Variants in NSMAF observed in about 807,000 individuals in gnomAD.
The protein encoded by NSMAF is protein FAN.
Under a neutral mutation model 134.9 loss-of-function variants are expected in NSMAF, and 90 were observed. The ratio of observed to expected loss-of-function variants is 0.67; its 90% confidence interval spans 0.56 to 0.79. The LOEUF is 0.79. Ranked by LOEUF, NSMAF falls within the 30% of genes least tolerant of loss-of-function variation. The pLI is 0.00. For missense variants in NSMAF, 1,010 were observed against 1,119.0 expected (o/e 0.90, Z 1.39); for synonymous variants, 358 against 389.6 (o/e 0.92, Z 0.96).
intron 9 of NSMAF, among the ~76,000 whole-genome samples, chr8:58,619,878 G>A (rs1585745827): frequency 2.0e-5 from 3 of 152,002 alleles, no homozygotes; most frequent in Non-Finnish European, 2.9e-5. Context: ...AAATTCAGAT[G>A]GCAGTGCCTA....
In NSMAF at chr8:58,585,779, A is replaced by C; in HGVS notation, c.2550-18T>G. The stretch of plus-strand genomic sequence containing the variant: ...CAAAGCACCTGCAAGAATGATTTAG[A>C]AATAGTCCTTTCTTCATCATGAAGG... On this transcript the variant is annotated intron_variant, in intron 29 of 30. Coordinates refer to ENST00000038176, the MANE Select transcript of NSMAF (RefSeq NM_003580.4). 1 of 1,608,830 alleles carries C rather than the reference A, an allele frequency of 6.2e-7. No homozygotes were observed. The highest frequency in any genetic ancestry group is 8.5e-7 in the Non-Finnish European group (1 of 1,175,112).
rs1477131123 is a variant in NSMAF at position 58,613,759 on chromosome 8, TC to T, written c.558-4027del. Among the ~76,000 whole-genome samples, 4 of 152,316 alleles carry T rather than the reference TC, an allele frequency of 2.6e-5. No homozygotes were observed. The East Asian group carries it at 7.7e-4, about 29-fold the overall frequency. On this transcript the variant is annotated intron_variant, in intron 9 of 30. Coordinates refer to ENST00000038176, the MANE Select transcript of NSMAF (RefSeq NM_003580.4). The stretch of plus-strand genomic sequence containing the variant: ...ATAGCATTTAGTACAAGTTGAGTAT[TC>T]CTTATTCAAAACACTTGGGAGCAAA...
rs1388578946 is a variant in NSMAF, at chr8:58,623,390, T to C, written c.491A>G (p.Asp164Gly). 2.5e-6 allele frequency: 4 copies of C among 1,613,942 alleles called. No individual in the cohort carries two copies. Among genetic ancestry groups the C allele is most frequent in the Non-Finnish European group, 2.5e-6 (3 of 1,179,960 alleles). The change falls in exon 8 of 31, where the codon GAC becomes GGC. Residue 164 changes from aspartate (D) to glycine (G), a missense_variant. Coordinates refer to ENST00000038176, the MANE Select transcript of NSMAF (RefSeq NM_003580.4). The stretch of plus-strand genomic sequence containing the variant: ...AAGAATACTTACCATGGCGGTTTGG[T>C]CACCCAATTTGTCAAGGCAGGATGC... ...HRASCLDKLG[D>G]QTAMITAILQ...
intron 6 of NSMAF, among the ~76,000 whole-genome samples, chr8:58,628,533 T>C (rs1806987828): frequency 6.6e-6 from 1 of 152,228 alleles, no homozygotes; most frequent in East Asian, 1.9e-4. Context: ...ATGGGGTTTT[T>C]ATACTTTTGT....
At chr8:58,654,348 C>T (rs781030593) in intron 1 of NSMAF, among the ~76,000 whole-genome samples, 3 of 152,216 alleles carry the variant, frequency 2.0e-5, no homozygotes, top group Non-Finnish European at 1.5e-5. Flanking sequence ...ATCGGGAGTT[C>T]GAGACCAGCC....
intron 19 of NSMAF, 83 bp from the exon 20 acceptor site, chr8:58,597,985 A>G (rs1585731089): frequency 1.0e-6 from 1 of 982,796 alleles, no homozygotes. Flanking sequence ...CAATGCAACA[A>G]CTTAAAACTC....
chr8:58,644,479 C>G (rs115400736), intron 1 of NSMAF, among the ~76,000 whole-genome samples: 4,107 of 152,168 alleles, frequency 0.027, 199 homozygotes, highest in African/African-American at 0.093. Context: ...GTGCTAGAGA[C>G]GATGTGGAGA....
rs371665233 is a variant in NSMAF at position 58,587,691 on chromosome 8, C to T, written c.2222G>A (p.Gly741Asp). Reference sequence around the variant, plus strand: ...GGTGCCTGGCATCTCTGCAGGAACACCAGACCACACCTAGGATGGAACATA... The same window carrying T: ...GGTGCCTGGCATCTCTGCAGGAACATCAGACCACACCTAGGATGGAACATA... ...SWDSTVKVWS[G>D]VPAEMPGTKR... The change falls in exon 27 of 31, where the codon GGT (glycine) becomes GAT (aspartate). Residue 741 changes from glycine to aspartate, a missense_variant. By Grantham distance (94) the Gly-to-Asp change is moderately conservative (BLOSUM62 -1). Coordinates refer to ENST00000038176, the MANE Select transcript of NSMAF (RefSeq NM_003580.4). 3.7e-6 allele frequency: 6 copies of T among 1,613,828 alleles called. No homozygotes were observed. In the African/African-American group the frequency reaches 8.0e-5, roughly 22 times the overall value.
chr8:58,641,517 C>G (rs187959379), intron 2 of NSMAF, among the ~76,000 whole-genome samples: 11 of 152,316 alleles, frequency 7.2e-5, no homozygotes, highest in African/African-American at 2.6e-4. Flanking sequence ...TTATGACACA[C>G]AGTATCCTGT....
At chr8:58,632,206 A>ACTCT (rs1807069862) in intron 5 of NSMAF, among the ~76,000 whole-genome samples, 1 of 151,372 alleles carries the variant, frequency 6.6e-6, no homozygotes, top group African/African-American at 2.4e-5. Flanking sequence ...TATATACTGC[A>ACTCT]CTCTCTCCCT....
At chr8:58,625,386 G>T (rs7015870) in intron 6 of NSMAF, among the ~76,000 whole-genome samples, 7,543 of 151,298 alleles carry the variant, frequency 0.05, 455 homozygotes, top group African/African-American at 0.14. Flanking sequence ...CTGTATATAT[G>T]TATATGCATA....
chr8:58,642,438 T>C (rs781532978), intron 2 of NSMAF, among the ~76,000 whole-genome samples: 6 of 152,232 alleles, frequency 3.9e-5, no homozygotes, highest in South Asian at 4.1e-4. Context: ...TGAGTAATAG[T>C]TATTAAGATA....
At chr8:58,615,686 A>C (rs188231442) in intron 9 of NSMAF, among the ~76,000 whole-genome samples, 1 of 152,230 alleles carries the variant, frequency 6.6e-6, no homozygotes, top group Admixed American at 6.5e-5. Flanking sequence ...GCAGTGCTTA[A>C]AGAGAAAATT....
chr8:58,618,144 C>T (rs572718874), intron 9 of NSMAF, among the ~76,000 whole-genome samples: 12 of 152,210 alleles, frequency 7.9e-5, no homozygotes, highest in Admixed American at 5.9e-4. Context: ...AGGAACATCA[C>T]ACACTGGGGC....
chr8:58,606,005 G>C lies in NSMAF; in HGVS notation c.790C>G (p.Leu264Val), dbSNP rs200721757. ...AACTTTAGGTAGATGTCGGAACACA[G>C]ATCATCTTCTGTGCAAAATACTTCC... The part of the protein sequence containing the change: ...GLEVFCTEDD[L>V]CSDIYLKFYE... Residue 264 changes from leucine (L) to valine (V), a missense_variant, in exon 12 of 31, where the codon CTG (leucine) becomes GTG (valine). Transcript: ENST00000038176. 12 of 1,594,002 alleles carry C rather than the reference G, an allele frequency of 7.5e-6. No homozygotes were observed. Among genetic ancestry groups the C allele is most frequent in the Non-Finnish European group, 1.0e-5 (12 of 1,173,358 alleles).
intron 21 of NSMAF, among the ~76,000 whole-genome samples, chr8:58,596,841 C>G (rs747741771): frequency 6.6e-6 from 1 of 150,768 alleles, no homozygotes; most frequent in Non-Finnish European, 1.5e-5. Flanking sequence ...GGCAGGAGAA[C>G]GGCGGCGTGA....
rs757990103 is a variant in NSMAF, at chr8:58,599,296, G to A, written c.1521C>T (p.His507=). Residue 507 remains histidine (H), a synonymous_variant, in exon 19 of 31, where the codon CAC becomes CAT. Coordinates refer to ENST00000038176, the MANE Select transcript of NSMAF (RefSeq NM_003580.4). Reference sequence around the variant, plus strand: ...AGCCAAATATTAGATCAATCCACTCGTGAAGGTGTTCAGACACATAATTGC... The same window carrying A: ...AGCCAAATATTAGATCAATCCACTCATGAAGGTGTTCAGACACATAATTGC... ...LESNYVSEHL[H]EWIDLIFGYK... 1.2e-5 allele frequency: 19 copies of A among 1,613,746 alleles called. No individual in the cohort carries two copies. In the South Asian group the frequency reaches 1.3e-4, roughly 11 times the overall value.
intron 1 of NSMAF, among the ~76,000 whole-genome samples, chr8:58,647,082 A>C (rs1290963256): frequency 6.6e-6 from 1 of 152,260 alleles, no homozygotes; most frequent in Non-Finnish European, 1.5e-5. Context: ...TGGATCCAGA[A>C]GGTTTTGTTA....
At position 58,585,670 on chromosome 8, in the gene NSMAF, T is replaced by G. The variant is rs1236059427; in HGVS notation, c.2641A>C (p.Arg881=). ...TGCTTACCTGTGTGGCCCTGTATTCTCTCACTGATTTTTGCTCCAAGGAGG... is the reference window on the plus strand; with the variant it reads ...TGCTTACCTGTGTGGCCCTGTATTCGCTCACTGATTTTTGCTCCAAGGAGG... ...WDLLGAKISE[R]IQGHTGAVTC... Residue 881 remains arginine, a synonymous_variant, in exon 30 of 31, where the codon AGA becomes CGA. Coordinates refer to ENST00000038176, the MANE Select transcript of NSMAF (RefSeq NM_003580.4). The G allele has an allele frequency of 1.9e-6, 3 of 1,613,628 alleles. No homozygotes were observed. The highest frequency in any genetic ancestry group is 2.5e-6 in the Non-Finnish European group (3 of 1,179,642).
Sources: gnomAD v4.1 joint callset for allele counts (sites outside exome capture counted in the v4.1 genomes callset) on GRCh38, gnomAD v4.1.1 for gene constraint, MANE v1.5 for transcripts, NCBI Gene and HGNC (gene_info 2026-07-23, HGNC 2026-07-21) for gene names.